Variants in MYO3B observed in about 807,000 individuals in gnomAD.
The protein encoded by MYO3B is myosin IIIB.
In MYO3B, 156 loss-of-function variants were observed where a neutral mutation model predicts 174.6. The ratio of observed to expected loss-of-function variants is 0.89; its 90% confidence interval spans 0.78 to 1.02. MYO3B has a LOEUF of 1.02. Among genes scored for constraint, MYO3B ranks in the 50% least tolerant of loss-of-function variants. The pLI is 0.00. For missense variants in MYO3B, 1,632 were observed against 1,639.4 expected, an observed-to-expected ratio of 1.00 and a Z score of 0.08; for synonymous variants, 563 against 569.1, an observed-to-expected ratio of 0.99 and a Z score of 0.15.
intron 7 of MYO3B, among the ~76,000 whole-genome samples, chr2:170,315,443 T>A (rs1057315267): frequency 1.3e-5 from 2 of 151,962 alleles, no homozygotes; most frequent in Non-Finnish European, 2.9e-5. Flanking sequence ...GTAGCTGGGA[T>A]CACAGGCATG....
intron 7 of MYO3B, among the ~76,000 whole-genome samples, chr2:170,279,421 T>G (rs1043017364): frequency 6.6e-6 from 1 of 151,968 alleles, no homozygotes; most frequent in Non-Finnish European, 1.5e-5. Flanking sequence ...CCCCTTGGTA[T>G]GTCTTTTTTT....
chr2:170,436,153 G>C (rs969776334), intron 22 of MYO3B, among the ~76,000 whole-genome samples: 1 of 152,112 alleles, frequency 6.6e-6, no homozygotes, highest in Non-Finnish European at 1.5e-5. Context: ...TCTGACTTCC[G>C]TTTTCTCCTT....
intron 32 of MYO3B, among the ~76,000 whole-genome samples, chr2:170,637,585 G>T (rs1418695239): frequency 6.7e-6 from 1 of 150,118 alleles, no homozygotes; most frequent in Admixed American, 6.8e-5. Flanking sequence ...CCTCAGGTCA[G>T]GGAGGGCATG....
chr2:170,633,686 T>G (rs900030303), intron 32 of MYO3B, among the ~76,000 whole-genome samples: 2 of 152,226 alleles, frequency 1.3e-5, no homozygotes, highest in African/African-American at 4.8e-5. Context: ...AAATTGTCCC[T>G]GTTTGCAGAT....
At chr2:170,421,052 C>T (rs773462177) in intron 22 of MYO3B, among the ~76,000 whole-genome samples, 10 of 152,116 alleles carry the variant, frequency 6.6e-5, no homozygotes, top group Non-Finnish European at 1.2e-4. Flanking sequence ...CTCTTTCCAT[C>T]GTCTAGAGAG....
At chr2:170,579,607 G>C (rs1236584244) in intron 32 of MYO3B, among the ~76,000 whole-genome samples, 1 of 152,188 alleles carries the variant, frequency 6.6e-6, no homozygotes, top group African/African-American at 2.4e-5. Flanking sequence ...CTGGGCCTCT[G>C]GGCCAGTCAC....
chr2:170,262,612 G>A (rs1166435072), intron 7 of MYO3B, among the ~76,000 whole-genome samples: 2 of 152,150 alleles, frequency 1.3e-5, no homozygotes, highest in East Asian at 3.9e-4. Context: ...TTGTGTGACA[G>A]GTTCTGAGGG....
intron 6 of MYO3B, among the ~76,000 whole-genome samples, chr2:170,223,074 G>C (rs1261378278): frequency 6.6e-6 from 1 of 151,920 alleles, no homozygotes; most frequent in African/African-American, 2.4e-5. Flanking sequence ...TTCCTGTGTG[G>C]GCGCCCAACA....
intron 8 of MYO3B, among the ~76,000 whole-genome samples, chr2:170,356,479 C>T (rs1300627535): frequency 4.6e-5 from 7 of 152,148 alleles, no homozygotes; most frequent in African/African-American, 1.7e-4. Flanking sequence ...TCTCCTGCCT[C>T]AGCCTCCTGA....
At chr2:170,385,109 T>C (rs896020533) in intron 12 of MYO3B, among the ~76,000 whole-genome samples, 1 of 151,832 alleles carries the variant, frequency 6.6e-6, no homozygotes, top group Non-Finnish European at 1.5e-5. Context: ...TGGGGCAGGG[T>C]GTATGGGGGG....
intron 12 of MYO3B, among the ~76,000 whole-genome samples, chr2:170,384,860 C>T (rs1233299466): frequency 1.3e-5 from 2 of 152,094 alleles, no homozygotes; most frequent in East Asian, 3.9e-4. Flanking sequence ...GCACAGACTC[C>T]ACAGATTAAG....
chr2:170,255,866 G>A (rs11693176), intron 7 of MYO3B, among the ~76,000 whole-genome samples: 6,752 of 152,284 alleles, frequency 0.044, 185 homozygotes, highest in Middle Eastern at 0.075. Context: ...CTCAAGATTC[G>A]AGAGAAAGTT....
chr2:170,624,385 A>T lies in MYO3B; in HGVS notation c.3734-27243A>T, dbSNP rs184451355. 1.7e-3 allele frequency among the ~76,000 whole-genome samples: 263 copies of T among 152,166 alleles called. 1 individual carries two copies. The highest frequency in any genetic ancestry group is 5.4e-3 in the African/African-American group (225 of 41,514). ...TTTGTCTGTCTGTTATTGGTGTATAAGACTGCTTGTGATTTTTGCACGTTG... is the reference window on the plus strand; with the variant it reads ...TTTGTCTGTCTGTTATTGGTGTATATGACTGCTTGTGATTTTTGCACGTTG... On this transcript the variant is annotated intron_variant, in intron 32 of 34. Coordinates refer to ENST00000408978, the MANE Select transcript of MYO3B (RefSeq NM_138995.5).
At chr2:170,216,495 T>C (rs1340550567) in intron 5 of MYO3B, among the ~76,000 whole-genome samples, 1 of 152,202 alleles carries the variant, frequency 6.6e-6, no homozygotes, top group Non-Finnish European at 1.5e-5. Context: ...TGGAAAACAT[T>C]GATTTTTAAT....
At position 170,542,956 on chromosome 2, in the gene MYO3B, A is replaced by G. The variant is rs1264190256; in HGVS notation, c.3626A>G (p.His1209Arg). ...AAAGGGTGCGATATCTTCGCAGGAC[A>G]TGCAAACAAGGTAGCTGGATATCTT... ...SPKGCDIFAG[H>R]ANKHSVSGTD... is the part of the protein sequence containing the mutation. Residue 1209 changes from histidine to arginine, a missense_variant, in exon 31 of 35, where the codon CAT (histidine) becomes CGT (arginine). Transcript: ENST00000408978. The G allele has an allele frequency of 3.1e-6, 5 of 1,609,758 alleles. No individual in the cohort carries two copies. The highest frequency in any genetic ancestry group is 3.3e-5 in the Admixed American group (2 of 59,750).
intron 32 of MYO3B, among the ~76,000 whole-genome samples, chr2:170,616,170 A>C (rs1221036133): frequency 6.6e-6 from 1 of 152,232 alleles, no homozygotes; most frequent in African/African-American, 2.4e-5. Context: ...GTTAGACCAG[A>C]AATTCCCAGA....
intron 22 of MYO3B, among the ~76,000 whole-genome samples, chr2:170,428,798 C>T (rs115553689): frequency 0.011 from 1,629 of 152,318 alleles, 35 homozygotes; most frequent in African/African-American, 0.037. Context: ...TGCCATGACA[C>T]ACAAGTGCAG....
At chr2:170,294,288 A>G (rs2093614805) in intron 7 of MYO3B, among the ~76,000 whole-genome samples, 1 of 151,478 alleles carries the variant, frequency 6.6e-6, no homozygotes, top group African/African-American at 2.4e-5. Context: ...AGACAGCCCA[A>G]TTTTTGGTTT....
In MYO3B at chr2:170,180,589, T is replaced by A. The variant is rs190700532; in HGVS notation, c.2+2300T>A. Among the ~76,000 whole-genome samples, 1,127 of 152,280 alleles carry A rather than the reference T, an allele frequency of 7.4e-3. 15 individuals carry two copies. Among genetic ancestry groups the A allele is most frequent in the African/African-American group, 0.026 (1,088 of 41,578 alleles). ...TGTAGAGATCTCTTATATGTTTTTT[T>A]AAAAAATATTTATTTTAAAAAGTAG... On this transcript the variant is annotated intron_variant, in intron 1 of 34. Coordinates refer to ENST00000408978, the MANE Select transcript of MYO3B (RefSeq NM_138995.5).
Sources: gnomAD v4.1 joint callset for allele counts (sites outside exome capture counted in the v4.1 genomes callset) on GRCh38, gnomAD v4.1.1 for gene constraint, MANE v1.5 for transcripts, NCBI Gene and HGNC (gene_info 2026-07-23, HGNC 2026-07-21) for gene names.